Variants in RORA observed in about 807,000 individuals in gnomAD.
RORA encodes nuclear receptor ROR-alpha.
In RORA, 7 loss-of-function variants were observed where a neutral mutation model predicts 69.5. The ratio of observed to expected loss-of-function variants is 0.10; its 90% confidence interval spans 0.06 to 0.19. RORA has a LOEUF of 0.19. Ranked by LOEUF, RORA falls within the 10% of genes least tolerant of loss-of-function variation. The pLI is 1.00. For synonymous variants in RORA, 261 were observed against 240.8 expected, an observed-to-expected ratio of 1.08 and a Z score of -0.78; for missense variants, 457 against 663.0, an observed-to-expected ratio of 0.69 and a Z score of 3.41.
chr15:60,903,776 C>T (rs777950503), intron 1 of RORA, among the ~76,000 whole-genome samples: 2 of 152,098 alleles, frequency 1.3e-5, no homozygotes, highest in African/African-American at 2.4e-5. Context: ...AATCGGAGGT[C>T]GGTCTCTACA....
chr15:60,851,371 T>G (rs1045822544), intron 1 of RORA, among the ~76,000 whole-genome samples: 2 of 152,156 alleles, frequency 1.3e-5, no homozygotes, highest in African/African-American at 4.8e-5. Flanking sequence ...AACTGCTCCA[T>G]TCCTCTGACA....
At chr15:60,667,381 C>G (rs1443809242) in intron 2 of RORA, among the ~76,000 whole-genome samples, 1 of 152,042 alleles carries the variant, frequency 6.6e-6, no homozygotes, top group Non-Finnish European at 1.5e-5. Flanking sequence ...GTTGAGAATG[C>G]CTGGCCACTG....
At position 60,934,894 on chromosome 15, in the gene RORA, T is replaced by C. The variant is rs534104251; in HGVS notation, c.167-256208A>G. The stretch of plus-strand genomic sequence containing the variant: ...CATCCACCTATGCCATTGGCTGCAC[T>C]GCCTGTTCCTTGCCTATAAAATACA... On this transcript the variant is annotated intron_variant, in intron 1 of 10. Transcript: ENST00000335670. 2.0e-5 allele frequency among the ~76,000 whole-genome samples: 3 copies of C among 152,380 alleles called. No homozygotes were observed. The East Asian group carries it at 5.8e-4, about 29-fold the overall frequency.
chr15:61,163,228 G>A (rs1242360692), intron 1 of RORA, among the ~76,000 whole-genome samples: 1 of 152,100 alleles, frequency 6.6e-6, no homozygotes, highest in East Asian at 1.9e-4. Flanking sequence ...GCCAAATCAT[G>A]GAAGGCCACA....
rs1422405105 is a variant in RORA at position 61,207,405 on chromosome 15, C to T, written c.166+21648G>A. 2.6e-5 allele frequency among the ~76,000 whole-genome samples: 4 copies of T among 152,184 alleles called. No homozygotes were observed. In the East Asian group the frequency reaches 7.7e-4, roughly 29 times the overall value. On this transcript the variant is annotated intron_variant, in intron 1 of 10. Coordinates refer to ENST00000335670, the MANE Select transcript of RORA (RefSeq NM_134261.3). Reference sequence around the variant, plus strand: ...AGAGCTAGGTTTTAAATGAGAGAATCATTTGAGGAGCATCCAGAATACTGA... The same window carrying T: ...AGAGCTAGGTTTTAAATGAGAGAATTATTTGAGGAGCATCCAGAATACTGA...
chr15:60,982,491 G>A (rs1894074736), intron 1 of RORA, among the ~76,000 whole-genome samples: 1 of 152,270 alleles, frequency 6.6e-6, no homozygotes, highest in African/African-American at 2.4e-5. Context: ...TCCCTTGGGA[G>A]CAGCTTAGTA....
chr15:60,890,857 C>T (rs1480093230), intron 1 of RORA, among the ~76,000 whole-genome samples: 3 of 152,134 alleles, frequency 2.0e-5, no homozygotes, highest in East Asian at 3.9e-4. Flanking sequence ...CAAAACCATA[C>T]CAAGTTGAAA....
intron 1 of RORA, among the ~76,000 whole-genome samples, chr15:60,793,108 T>A (rs538402071): frequency 5.3e-5 from 8 of 152,290 alleles, no homozygotes; most frequent in African/African-American, 1.9e-4. Flanking sequence ...AAAAGTTAAC[T>A]TCTTGGTGTT....
At chr15:60,763,730 TC>T (rs1162605420) in intron 1 of RORA, among the ~76,000 whole-genome samples, 1 of 152,180 alleles carries the variant, frequency 6.6e-6, no homozygotes, top group Admixed American at 6.5e-5. Flanking sequence ...ACTGGCCCAT[TC>T]AGGAGCCCCT....
chr15:60,547,322 TCC>T (rs1408296175), intron 2 of RORA, among the ~76,000 whole-genome samples: 4 of 97,820 alleles, frequency 4.1e-5, no homozygotes, highest in Non-Finnish European at 8.7e-5. Flanking sequence ...GTCCCTCTCC[TCC>T]TTTTTTTTTT....
intron 1 of RORA, among the ~76,000 whole-genome samples, chr15:60,888,339 G>C (rs2073774796): frequency 1.3e-5 from 2 of 152,328 alleles, no homozygotes; most frequent in South Asian, 4.1e-4. Flanking sequence ...CGGTGGGCCT[G>C]GTCACCAGTC....
intron 1 of RORA, among the ~76,000 whole-genome samples, chr15:60,811,700 A>G (rs2072745433): frequency 6.6e-6 from 1 of 152,194 alleles, no homozygotes; most frequent in African/African-American, 2.4e-5. Flanking sequence ...TATGGCATTT[A>G]TTATTACCCA....
At chr15:60,781,040 A>G (rs1344855957) in intron 1 of RORA, among the ~76,000 whole-genome samples, 1 of 152,236 alleles carries the variant, frequency 6.6e-6, no homozygotes, top group East Asian at 1.9e-4. Flanking sequence ...GGACTTCAGT[A>G]ACTTCTTGAA....
chr15:60,842,505 C>A (rs1382116476), intron 1 of RORA, among the ~76,000 whole-genome samples: 2 of 152,250 alleles, frequency 1.3e-5, no homozygotes, highest in Admixed American at 6.5e-5. Flanking sequence ...AAGAGTCCTA[C>A]ATGAAGTTTC....
At chr15:60,869,110 T>C (rs1488514186) in intron 1 of RORA, among the ~76,000 whole-genome samples, 5 of 152,112 alleles carry the variant, frequency 3.3e-5, no homozygotes, top group Admixed American at 2.6e-4. Context: ...GGGCCACATC[T>C]AGAAAAAAAG....
chr15:60,499,187 A>T (rs2065255649), intron 10 of RORA, among the ~76,000 whole-genome samples: 1 of 152,220 alleles, frequency 6.6e-6, no homozygotes, highest in African/African-American at 2.4e-5. Context: ...ATATTAGTAT[A>T]TATGGTCATC....
intron 2 of RORA, among the ~76,000 whole-genome samples, chr15:60,613,135 A>G (rs1305777206): frequency 1.3e-5 from 2 of 152,186 alleles, no homozygotes; most frequent in Non-Finnish European, 2.9e-5. Context: ...GAAACAGGTC[A>G]GATGCTAAAA....
intron 1 of RORA, among the ~76,000 whole-genome samples, chr15:60,695,334 C>A (rs2070886537): frequency 6.6e-6 from 1 of 152,160 alleles, no homozygotes; most frequent in African/African-American, 2.4e-5. Context: ...TTAGCATGTT[C>A]TCTTTTCGTC....
intron 1 of RORA, among the ~76,000 whole-genome samples, chr15:61,189,579 C>T (rs1048758299): frequency 6.6e-6 from 1 of 152,102 alleles, no homozygotes; most frequent in Non-Finnish European, 1.5e-5. Flanking sequence ...GATATCTGGC[C>T]AGGTGTGGTG....
Sources: gnomAD v4.1 joint callset for allele counts (sites outside exome capture counted in the v4.1 genomes callset) on GRCh38, gnomAD v4.1.1 for gene constraint, MANE v1.5 for transcripts, NCBI Gene and HGNC (gene_info 2026-07-23, HGNC 2026-07-21) for gene names.